The following TLE4 variants were observed in gnomAD, a reference collection of about 807,000 sequenced individuals.
TLE4 encodes transducin-like enhancer protein 4.
In TLE4, 8 loss-of-function variants were observed where a neutral mutation model predicts 92.8. The ratio of observed to expected loss-of-function variants is 0.09; its 90% CI spans 0.05 to 0.16. The LOEUF (loss-of-function observed/expected upper bound fraction) is 0.16, where lower values mean the gene tolerates loss of function less well. TLE4 is among the 10% of genes least tolerant of loss of function. The probability of loss-of-function intolerance (pLI) is 1.00; values close to 1 mark genes in which losing one functional copy is unlikely to be tolerated. For missense variants in TLE4, 675 were observed against 997.6 expected (o/e 0.68, Z 4.36); for synonymous variants, 371 against 374.1 (o/e 0.99, Z 0.10).
chr9:79,588,509 C>A (rs2041783447), intron 4 of TLE4, among the ~76,000 whole-genome samples: 1 of 152,124 alleles, frequency 6.6e-6, no homozygotes, highest in Non-Finnish European at 1.5e-5. Flanking sequence ...ACACAGTGAG[C>A]TTAAATGTTA....
At chr9:79,589,973 A>G (rs1268336323) in intron 4 of TLE4, among the ~76,000 whole-genome samples, 1 of 152,162 alleles carries the variant, frequency 6.6e-6, no homozygotes, top group Non-Finnish European at 1.5e-5. Flanking sequence ...TGAGTCCACA[A>G]TATGGGTTCG....
At chr9:79,653,038 T>G in intron 7 of TLE4, 1 of 549,248 alleles carries the variant, frequency 1.8e-6, no homozygotes, top group South Asian at 1.6e-5. Context: ...TTTGATTTCT[T>G]GCTACCTTCT....
At chr9:79,678,570 A>G (rs2063737269) in intron 8 of TLE4, among the ~76,000 whole-genome samples, 1 of 151,948 alleles carries the variant, frequency 6.6e-6, no homozygotes, top group South Asian at 2.1e-4. Flanking sequence ...ACGTTGCTTT[A>G]GGTTTCAGTG....
chr9:79,650,169 A>G (rs2058730431), intron 6 of TLE4, among the ~76,000 whole-genome samples: 1 of 151,806 alleles, frequency 6.6e-6, no homozygotes, highest in Non-Finnish European at 1.5e-5. Flanking sequence ...GACCGCCTCA[A>G]CTTCCCAAAG....
intron 8 of TLE4, among the ~76,000 whole-genome samples, chr9:79,699,076 T>G (rs1467786813): frequency 6.6e-6 from 1 of 152,150 alleles, no homozygotes; most frequent in Non-Finnish European, 1.5e-5. Flanking sequence ...GATATTACTT[T>G]CCAAACTTAC....
intron 6 of TLE4, among the ~76,000 whole-genome samples, chr9:79,639,607 T>G (rs1029664369): frequency 6.6e-6 from 1 of 152,186 alleles, no homozygotes; most frequent in Non-Finnish European, 1.5e-5. Flanking sequence ...AAGTGCTTTA[T>G]ATAGGTGTAC....
chr9:79,650,918 CAT>C (rs1361662211), intron 6 of TLE4, among the ~76,000 whole-genome samples: 2 of 151,808 alleles, frequency 1.3e-5, no homozygotes, highest in African/African-American at 4.8e-5. Context: ...CATAGGAAGA[CAT>C]GTGGGAGTGG....
At chr9:79,658,073 T>G (rs1048069407) in intron 8 of TLE4, among the ~76,000 whole-genome samples, 3 of 152,142 alleles carry the variant, frequency 2.0e-5, no homozygotes, top group Admixed American at 6.6e-5. Flanking sequence ...AGTGGTGGTG[T>G]TTTTATTTTT....
At chr9:79,671,210 A>G (rs2062272818) in intron 8 of TLE4, 1 of 455,182 alleles carries the variant, frequency 2.2e-6, no homozygotes, top group Admixed American at 2.4e-5. Flanking sequence ...ATTTTACAGC[A>G]AAACTACTTG....
At chr9:79,677,783 T>A (rs1588133326) in intron 8 of TLE4, among the ~76,000 whole-genome samples, 2 of 152,200 alleles carry the variant, frequency 1.3e-5, no homozygotes, top group Middle Eastern at 6.8e-3. Context: ...GGCTTGTCAT[T>A]GTTTTCACAT....
chr9:79,656,105 A>T (rs2134303528), intron 8 of TLE4, among the ~76,000 whole-genome samples: 1 of 152,298 alleles, frequency 6.6e-6, no homozygotes, highest in African/African-American at 2.4e-5. Context: ...CTCAAATTTG[A>T]AGTTGTATTA....
chr9:79,671,252 G>A (rs2062281276), intron 8 of TLE4: 2 of 456,408 alleles, frequency 4.4e-6, no homozygotes, highest in African/African-American at 2.0e-5. Context: ...GGAGACCAAA[G>A]AGGAAGAACC....
intron 8 of TLE4, among the ~76,000 whole-genome samples, chr9:79,695,769 T>C (rs565437148): frequency 6.6e-6 from 1 of 152,256 alleles, no homozygotes; most frequent in South Asian, 2.1e-4. Flanking sequence ...TCTGAAGATG[T>C]GACATTTAAG....
At chr9:79,639,339 A>G (rs2133891127) in intron 6 of TLE4, among the ~76,000 whole-genome samples, 1 of 152,328 alleles carries the variant, frequency 6.6e-6, no homozygotes, top group South Asian at 2.1e-4. Flanking sequence ...ATGCCATATA[A>G]TAATGTTTCA....
At chr9:79,702,447 C>T (rs540965173) in intron 8 of TLE4, among the ~76,000 whole-genome samples, 1 of 152,246 alleles carries the variant, frequency 6.6e-6, no homozygotes, top group Non-Finnish European at 1.5e-5. Flanking sequence ...TCATGAAAAC[C>T]TACTGAGTGC....
At chr9:79,678,045 T>TCAGTACGC (rs2063612576) in intron 8 of TLE4, among the ~76,000 whole-genome samples, 1 of 152,106 alleles carries the variant, frequency 6.6e-6, no homozygotes, top group Non-Finnish European at 1.5e-5. Context: ...CTAAACAAAT[T>TCAGTACGC]CAGTACGCTG....
intron 14 of TLE4, among the ~76,000 whole-genome samples, chr9:79,716,315 G>T (rs1451823068): frequency 6.6e-6 from 1 of 152,176 alleles, no homozygotes; most frequent in Non-Finnish European, 1.5e-5. Flanking sequence ...TAAGGCCTGT[G>T]TCATTCCTTC....
intron 5 of TLE4, among the ~76,000 whole-genome samples, chr9:79,621,677 T>C (rs903617233): frequency 7.2e-5 from 11 of 152,158 alleles, no homozygotes; most frequent in African/African-American, 1.9e-4. Context: ...CATCCCAATC[T>C]GCTCAGCCCC....
chr9:79,595,838 T>G (rs976162735), intron 4 of TLE4, among the ~76,000 whole-genome samples: 1 of 151,128 alleles, frequency 6.6e-6, no homozygotes, highest in African/African-American at 2.5e-5. Context: ...TTTTTCATTT[T>G]TTGCCATCTA....
Sources: allele counts gnomAD v4.1 joint callset (sites outside exome capture counted in the v4.1 genomes callset), GRCh38; gene constraint gnomAD v4.1.1; transcripts MANE v1.5; gene names NCBI Gene and HGNC (gene_info 2026-07-23, HGNC 2026-07-21).